The following LPIN2 variants were observed in gnomAD, a reference collection of about 807,000 sequenced individuals.
LPIN2 encodes lipin 2, also known as phosphatidate phosphatase LPIN2.
A neutral mutation model predicts 111.4 loss-of-function variants in LPIN2; 55 were observed. The ratio of observed to expected loss-of-function variants is 0.49; its 90% CI spans 0.40 to 0.62. The LOEUF (loss-of-function observed/expected upper bound fraction) is 0.62. Ranked by LOEUF, LPIN2 falls within the 20% of genes least tolerant of loss-of-function variation. LPIN2 has a pLI of 0.00. For synonymous variants in LPIN2, 425 were observed against 414.0 expected (o/e 1.03, Z -0.32); for missense variants, 992 against 1,112.1 (o/e 0.89, Z 1.54).
intron 3 of LPIN2, among the ~76,000 whole-genome samples, chr18:2,952,410 C>A (rs1335415827): frequency 6.6e-6 from 1 of 152,068 alleles, no homozygotes; most frequent in African/African-American, 2.4e-5. Context: ...GGCAACAGAG[C>A]GAGACTCCAT....
At chr18:2,986,656 T>C (rs1027111437) in intron 1 of LPIN2, among the ~76,000 whole-genome samples, 6 of 151,780 alleles carry the variant, frequency 4.0e-5, no homozygotes, top group Admixed American at 3.3e-4. Flanking sequence ...AGTGTACACA[T>C]CGCAGTTTAA....
chr18:2,926,051 AGGATTGTATGAGCC>A (rs2077125363), intron 13 of LPIN2, among the ~76,000 whole-genome samples: 1 of 152,204 alleles, frequency 6.6e-6, no homozygotes, highest in Non-Finnish European at 1.5e-5. Context: ...AGGCCGAGGC[AGGATTGTATGAGCC>A]GAGGAGCTAT....
At chr18:2,986,852 G>A (rs989907344) in intron 1 of LPIN2, among the ~76,000 whole-genome samples, 1 of 152,162 alleles carries the variant, frequency 6.6e-6, no homozygotes, top group Non-Finnish European at 1.5e-5. Flanking sequence ...GAGTAATTAT[G>A]GCCTGACTTG....
intron 1 of LPIN2, among the ~76,000 whole-genome samples, chr18:3,006,698 G>A (rs532609306): frequency 1.2e-4 from 18 of 152,260 alleles, no homozygotes; most frequent in Middle Eastern, 3.4e-3. Context: ...TTAGCCAGGC[G>A]TGGTGGCGGG....
chr18:2,984,584 GA>G (rs754459829), intron 1 of LPIN2, among the ~76,000 whole-genome samples: 3 of 151,564 alleles, frequency 2.0e-5, no homozygotes, highest in South Asian at 2.1e-4. Flanking sequence ...CTAAGAAGGT[GA>G]AAAAAAGAAA....
At chr18:2,982,275 AC>A (rs1567852602) in intron 1 of LPIN2, among the ~76,000 whole-genome samples, 1 of 152,214 alleles carries the variant, frequency 6.6e-6, no homozygotes, top group African/African-American at 2.4e-5. Context: ...GACTAGGCCA[AC>A]AAAAACTGTA....
At chr18:2,944,851 T>C (rs1352595784) in intron 4 of LPIN2, among the ~76,000 whole-genome samples, 5 of 152,228 alleles carry the variant, frequency 3.3e-5, no homozygotes, top group African/African-American at 1.2e-4. Context: ...TATAAAATGG[T>C]GAATTTTAAT....
intron 1 of LPIN2, among the ~76,000 whole-genome samples, chr18:2,986,673 T>G (rs985653978): frequency 1.3e-5 from 2 of 152,172 alleles, no homozygotes; most frequent in East Asian, 3.8e-4. Flanking sequence ...TTAAGGAGCT[T>G]AGGACCAAAC....
chr18:2,942,437 C>T (rs1282228203), intron 4 of LPIN2, among the ~76,000 whole-genome samples: 7 of 152,098 alleles, frequency 4.6e-5, no homozygotes, highest in African/African-American at 1.7e-4. Flanking sequence ...TGAAAGTGGT[C>T]TGAAAAGAAC....
At chr18:2,973,829 G>A (rs767762016) in intron 1 of LPIN2, among the ~76,000 whole-genome samples, 3 of 152,132 alleles carry the variant, frequency 2.0e-5, no homozygotes, top group South Asian at 2.1e-4. Flanking sequence ...TTTTGCACAC[G>A]AAACAAAGCT....
In LPIN2 at chr18:2,918,080, C is replaced by T. The variant is rs909695341; in HGVS notation, c.*2213G>A. On this transcript the variant is annotated 3_prime_UTR_variant, in exon 20 of 20. Coordinates refer to ENST00000677752, the MANE Select transcript of LPIN2 (RefSeq NM_001375808.2). ...AATCATCTACTTTCAGCAAGAGGGA[C>T]TCCTTTAAACAAGGAAAAAGACTCA... 2 of 150,170 alleles carry T rather than the reference C, an allele frequency of 1.3e-5. No homozygotes were observed. Among genetic ancestry groups the T allele is most frequent in the African/African-American group, 5.0e-5 (2 of 39,850 alleles). 9.3% of individuals were successfully genotyped at this position (150,170 alleles called of 1,614,324 possible).
intron 1 of LPIN2, among the ~76,000 whole-genome samples, chr18:3,008,978 C>A (rs1454224226): frequency 6.8e-6 from 1 of 146,904 alleles, no homozygotes; most frequent in Non-Finnish European, 1.5e-5. Context: ...TTAAAATCAA[C>A]ACATCTGTCC....
chr18:2,964,537 G>A (rs1325540305), intron 1 of LPIN2, among the ~76,000 whole-genome samples: 2 of 152,128 alleles, frequency 1.3e-5, no homozygotes, highest in Non-Finnish European at 2.9e-5. Flanking sequence ...CTTTCCTCGT[G>A]AGAATACAGC....
At chr18:2,923,731 G>C (rs751968579) in intron 16 of LPIN2, 44 bp downstream of exon 16, 1 of 1,513,082 alleles carries the variant, frequency 6.6e-7, no homozygotes, top group Non-Finnish European at 9.2e-7. Flanking sequence ...CTTAAAGCAA[G>C]CTTCCAGCTC....
chr18:2,921,217 T>C (rs1333277704), intron 18 of LPIN2: 3 of 548,012 alleles, frequency 5.5e-6, no homozygotes, highest in Non-Finnish European at 9.8e-6. Context: ...GCACTGACCC[T>C]GGCTCTGGGG....
rs576721761 is a variant in LPIN2, at chr18:2,919,773, A to G, written c.*520T>C. 105 of 188,268 alleles carry G rather than the reference A, an allele frequency of 5.6e-4. No individual in the cohort carries two copies. The highest frequency in any genetic ancestry group is 5.1e-3 in the Middle Eastern group (2 of 396). 11.7% of individuals were successfully genotyped at this position (188,268 alleles called of 1,614,324 possible). A position where few individuals can be genotyped will look rare whatever the true frequency, so the allele number is the denominator to read the frequency against. On this transcript the variant is annotated 3_prime_UTR_variant, in exon 20 of 20. Coordinates refer to ENST00000677752, the MANE Select transcript of LPIN2 (RefSeq NM_001375808.2). ...CCAACTTGGCCCACTGGAGCAGCTG[A>G]CCCCTTCAGTGTAGCAGGAAATGAG...
chr18:2,996,467 C>CTTT (rs1179106649), intron 1 of LPIN2, among the ~76,000 whole-genome samples: 7 of 84,996 alleles, frequency 8.2e-5, no homozygotes, highest in African/African-American at 1.8e-4. Flanking sequence ...AGGAAAATAT[C>CTTT]TTTTTTTTTT....
At chr18:2,960,032 T>C (rs2077684272) in intron 2 of LPIN2, among the ~76,000 whole-genome samples, 1 of 151,744 alleles carries the variant, frequency 6.6e-6, no homozygotes, top group Admixed American at 6.6e-5. Context: ...TAGGGGGGCA[T>C]GGTTGCACGT....
intron 1 of LPIN2, among the ~76,000 whole-genome samples, chr18:2,978,030 A>C (rs1357091720): frequency 6.6e-6 from 1 of 151,990 alleles, no homozygotes; most frequent in African/African-American, 2.4e-5. Flanking sequence ...ATCTCTACTA[A>C]AAACACAAAA....
Sources: allele counts gnomAD v4.1 joint callset (sites outside exome capture counted in the v4.1 genomes callset), GRCh38; gene constraint gnomAD v4.1.1; transcripts MANE v1.5; gene names NCBI Gene and HGNC (gene_info 2026-07-23, HGNC 2026-07-21).